TBC1D15: variants seen among roughly 807,000 people sequenced by gnomAD.
The protein encoded by TBC1D15 is TBC1 domain family member 15.
Under a neutral mutation model 95.4 loss-of-function variants are expected in TBC1D15, and 39 were observed. The observed-to-expected ratio is 0.41, with a 90% CI of 0.32 to 0.53. The LOEUF is 0.53. TBC1D15 is among the 20% of genes least tolerant of loss of function. The pLI is 0.29. For missense variants in TBC1D15, 733 were observed against 794.3 expected, an observed-to-expected ratio of 0.92 and a Z score of 0.93; for synonymous variants, 258 against 261.3, an observed-to-expected ratio of 0.99 and a Z score of 0.12.
At chr12:71,848,443 T>C (rs1177673559) in intron 1 of TBC1D15, among the ~76,000 whole-genome samples, 1 of 152,208 alleles carries the variant, frequency 6.6e-6, no homozygotes, top group Non-Finnish European at 1.5e-5. Context: ...TGACTAATGG[T>C]GTTGAGTATT....
Position 71,843,058 on chromosome 12 carries a change from G to A in TBC1D15, c.30+3247G>A, listed in dbSNP as rs568525087. Among the ~76,000 whole-genome samples the A allele has an allele frequency of 8.2e-4, 125 of 152,144 alleles. 1 individual carries two copies. In the Middle Eastern group the frequency reaches 0.01, roughly 12 times the overall value. On this transcript the variant is annotated intron_variant, in intron 1 of 16. Coordinates refer to ENST00000485960, the MANE Select transcript of TBC1D15 (RefSeq NM_001146213.3). The stretch of plus-strand genomic sequence containing the variant: ...TCATCACTTTGGGAGGCTGAGGTGG[G>A]TGGATTACTTGAGGTCGGGAGTTTG...
intron 10 of TBC1D15, among the ~76,000 whole-genome samples, chr12:71,902,969 G>A (rs567107699): frequency 6.6e-6 from 1 of 152,290 alleles, no homozygotes; most frequent in Non-Finnish European, 1.5e-5. Context: ...CTGGAGTGCA[G>A]CAGTGCAATC....
intron 3 of TBC1D15, among the ~76,000 whole-genome samples, chr12:71,878,242 G>C (rs998805948): frequency 5.3e-5 from 8 of 150,396 alleles, no homozygotes; most frequent in African/African-American, 2.0e-4. Context: ...TGCTCATTGT[G>C]TTTGATTTTT....
At chr12:71,860,586 G>A (rs139491792) in intron 1 of TBC1D15, among the ~76,000 whole-genome samples, 110 of 152,130 alleles carry the variant, frequency 7.2e-4, no homozygotes, top group Non-Finnish European at 1.3e-3. Flanking sequence ...ATTTTTGTTC[G>A]TTGATTTTGT....
chr12:71,890,844 A>G (rs982239952), intron 5 of TBC1D15, among the ~76,000 whole-genome samples: 2 of 152,230 alleles, frequency 1.3e-5, no homozygotes, highest in East Asian at 1.9e-4. Context: ...TCACTTGGAT[A>G]AAAGAATCAG....
intron 1 of TBC1D15, among the ~76,000 whole-genome samples, chr12:71,864,752 G>T (rs1891123367): frequency 1.3e-5 from 2 of 152,086 alleles, no homozygotes; most frequent in South Asian, 4.1e-4. Flanking sequence ...TGATCCACCT[G>T]CCTTGGCCTC....
intron 1 of TBC1D15, chr12:71,861,632 C>T: frequency 8.2e-6 from 5 of 609,606 alleles, no homozygotes; most frequent in South Asian, 4.9e-5. Flanking sequence ...ATTTTGGCTG[C>T]CTTTAACTAA....
intron 1 of TBC1D15, among the ~76,000 whole-genome samples, chr12:71,850,613 G>A (rs1441951610): frequency 6.6e-6 from 1 of 151,780 alleles, no homozygotes; most frequent in Non-Finnish European, 1.5e-5. Context: ...GTCTAGCTGT[G>A]TTGCCGAGGC....
chr12:71,913,233 T>C (rs914312807), intron 11 of TBC1D15: 18 of 152,164 alleles, frequency 1.2e-4, no homozygotes, highest in African/African-American at 2.4e-5. Context: ...AGGACGTAGA[T>C]ATGACTATTT....
At position 71,888,296 on chromosome 12, in the gene TBC1D15, C is replaced by T. The variant is rs112578752; in HGVS notation, c.554+3275C>T. On this transcript the variant is annotated intron_variant, in intron 5 of 16. Coordinates refer to ENST00000485960, the MANE Select transcript of TBC1D15 (RefSeq NM_001146213.3). ...GTCAGGAGTTCGAGACCAGCCTCGC[C>T]AACATGGTGAAACCCCGTCTCTACT... Among the ~76,000 whole-genome samples the T allele has an allele frequency of 2.5e-3, 380 of 152,084 alleles. 1 individual carries two copies. The highest frequency in any genetic ancestry group is 8.7e-3 in the African/African-American group (361 of 41,500).
rs1416963440 is a variant in TBC1D15, at chr12:71,922,991, A to G, written c.1812A>G (p.Pro604=). ...TGATTTTTCATATCCAGGAATTGCC[A>G]CAAGCAGTCTGTGAGATCCTTGGGC... ...SLQMVKCKEL[P]QAVCEILGLQ... The change falls in exon 17 of 17, where the codon CCA becomes CCG. Residue 604 remains proline (P), a synonymous_variant. Coordinates refer to ENST00000485960, the MANE Select transcript of TBC1D15 (RefSeq NM_001146213.3). The G allele has an allele frequency of 1.2e-6, 2 of 1,614,046 alleles. No individual in the cohort carries two copies.
At chr12:71,918,365 G>A (rs1904195704) in intron 13 of TBC1D15, 86 bp from the exon 14 acceptor site, 3 of 810,720 alleles carry the variant, frequency 3.7e-6, no homozygotes, top group Admixed American at 2.6e-5. Context: ...TGCCTAAGAT[G>A]CATAGGAAAG....
intron 5 of TBC1D15, among the ~76,000 whole-genome samples, chr12:71,891,871 C>T (rs1340297357): frequency 6.6e-6 from 1 of 152,044 alleles, no homozygotes; most frequent in African/African-American, 2.4e-5. Context: ...ATTTGTTCCT[C>T]TTTTATATGT....
chr12:71,850,832 C>A (rs1264281059), intron 1 of TBC1D15, among the ~76,000 whole-genome samples: 2 of 151,704 alleles, frequency 1.3e-5, no homozygotes, highest in Non-Finnish European at 2.9e-5. Context: ...ACTAAAAATA[C>A]AAAAATTAGC....
Position 71,918,434 on chromosome 12 carries a change from T to G in TBC1D15, c.1502-17T>G, listed in dbSNP as rs755740659. ...GCATAAGAGTAAGTCATATGTGTGTTTTTTTCTTCTGCATAGAATCTCAGG... is the reference window on the plus strand; with the variant it reads ...GCATAAGAGTAAGTCATATGTGTGTGTTTTTCTTCTGCATAGAATCTCAGG... On this transcript the variant is annotated splice_polypyrimidine_tract_variant and intron_variant, in intron 13 of 16. Coordinates refer to ENST00000485960, the MANE Select transcript of TBC1D15 (RefSeq NM_001146213.3). The G allele has an allele frequency of 1.3e-6, 2 of 1,522,652 alleles. No individual in the cohort carries two copies. Among genetic ancestry groups the G allele is most frequent in the Admixed American group, 1.9e-5 (1 of 52,258 alleles). 94.3% of individuals were successfully genotyped at this position (1,522,652 alleles called of 1,614,324 possible). A position where few individuals can be genotyped will look rare whatever the true frequency, so the allele number is the denominator to read the frequency against.
rs116964392 is a variant in TBC1D15, at chr12:71,899,177, A to G, written c.1183+1236A>G. 3.7e-3 allele frequency among the ~76,000 whole-genome samples: 559 copies of G among 152,284 alleles called. 1 individual carries two copies. The highest frequency in any genetic ancestry group is 0.019 in the South Asian group (92 of 4,826). ...CCTCTTCCCTTTATATCAAGGATCAATGTTGATGTCTCTGATATTCTCAAC... is the reference window on the plus strand; with the variant it reads ...CCTCTTCCCTTTATATCAAGGATCAGTGTTGATGTCTCTGATATTCTCAAC... On this transcript the variant is annotated intron_variant, in intron 10 of 16. Transcript: ENST00000485960.
chr12:71,858,494 T>C (rs1000560544), intron 1 of TBC1D15, among the ~76,000 whole-genome samples: 22 of 150,064 alleles, frequency 1.5e-4, no homozygotes, highest in African/African-American at 3.9e-4. Flanking sequence ...TTTTCTTTTT[T>C]TTTTTTTGAA....
At chr12:71,867,054 A>C (rs1430043333) in intron 1 of TBC1D15, among the ~76,000 whole-genome samples, 1 of 152,238 alleles carries the variant, frequency 6.6e-6, no homozygotes, top group African/African-American at 2.4e-5. Context: ...TCAATGAATG[A>C]TCTAAACCAA....
chr12:71,857,887 T>C (rs1889458068), intron 1 of TBC1D15, among the ~76,000 whole-genome samples: 1 of 152,266 alleles, frequency 6.6e-6, no homozygotes, highest in African/African-American at 2.4e-5. Flanking sequence ...TGTTCTACTT[T>C]CTACTTCGTT....
Sources: gnomAD v4.1 joint callset for allele counts (sites outside exome capture counted in the v4.1 genomes callset) on GRCh38, gnomAD v4.1.1 for gene constraint, MANE v1.5 for transcripts, NCBI Gene and HGNC (gene_info 2026-07-23, HGNC 2026-07-21) for gene names.